Variants in CACNA1D observed in about 807,000 individuals in gnomAD.
The protein encoded by CACNA1D is voltage-dependent L-type calcium channel subunit alpha-1D.
CACNA1D carries 55 observed loss-of-function variants against 257.1 expected under a neutral mutation model. The ratio of observed to expected loss-of-function variants is 0.21; its 90% CI spans 0.17 to 0.27. The LOEUF is 0.27. Among genes scored for constraint, CACNA1D ranks in the 10% least tolerant of loss-of-function variants. The pLI is 1.00. For synonymous variants in CACNA1D, 980 were observed against 1,014.9 expected, an observed-to-expected ratio of 0.97 and a Z score of 0.65; for missense variants, 1,876 against 2,784.0, an observed-to-expected ratio of 0.67 and a Z score of 7.34.
chr3:53,689,151 T>C (rs565423085), intron 8 of CACNA1D, among the ~76,000 whole-genome samples: 3 of 152,146 alleles, frequency 2.0e-5, no homozygotes, highest in African/African-American at 7.2e-5. Flanking sequence ...TGGGCTCCAG[T>C]TGGGCATTGA....
At chr3:53,727,411 G>A (rs1409221961) in intron 15 of CACNA1D, among the ~76,000 whole-genome samples, 1 of 152,186 alleles carries the variant, frequency 6.6e-6, no homozygotes, top group Admixed American at 6.5e-5. Context: ...TGACTGATGA[G>A]AGCCATCTTT....
At chr3:53,537,839 T>G (rs1388688489) in intron 3 of CACNA1D, among the ~76,000 whole-genome samples, 1 of 152,236 alleles carries the variant, frequency 6.6e-6, no homozygotes, top group Non-Finnish European at 1.5e-5. Context: ...TATGTTCCTC[T>G]CTCCTCTGAA....
At chr3:53,770,337 G>C in intron 31 of CACNA1D, 87 bp from the exon 32 acceptor site, 1 of 1,266,156 alleles carries the variant, frequency 7.9e-7, no homozygotes, top group Non-Finnish European at 1.2e-6. Context: ...TCTTACCTCT[G>C]TCACCTTTGC....
At chr3:53,767,854 C>T (rs569409640) in intron 30 of CACNA1D, among the ~76,000 whole-genome samples, 2 of 152,216 alleles carry the variant, frequency 1.3e-5, no homozygotes, top group African/African-American at 4.8e-5. Context: ...AGCAGCCCCC[C>T]ATGCCCAGTG....
At position 53,679,270 on chromosome 3, in the gene CACNA1D, C is replaced by CAAAAAAAAAAAAAAAA. The variant is rs1166823497; in HGVS notation, c.1220+6166_1220+6181dup. ...GGGTGACAAGAGCAAAACTCCATCT[C>CAAAAAAAAAAAAAAAA]AAAAAAAAAAAAAAAAAAAAAAAAA... On this transcript the variant is annotated intron_variant, in intron 8 of 47. Transcript: ENST00000350061. The CAAAAAAAAAAAAAAAA allele has an allele frequency of 3.1e-4, 5 of 16,330 alleles. 2 individuals are homozygous for CAAAAAAAAAAAAAAAA. Among genetic ancestry groups the CAAAAAAAAAAAAAAAA allele is most frequent in the Non-Finnish European group, 1.6e-4 (1 of 6,344 alleles). 1.0% of individuals were successfully genotyped at this position (16,330 alleles called of 1,614,324 possible). A position where few individuals can be genotyped will look rare whatever the true frequency, so the allele number is the denominator to read the frequency against.
At chr3:53,638,957 A>T (rs537131047) in intron 3 of CACNA1D, among the ~76,000 whole-genome samples, 8 of 152,368 alleles carry the variant, frequency 5.3e-5, no homozygotes, top group African/African-American at 1.4e-4. Flanking sequence ...GTGAGACAAC[A>T]GAGGAGTCCA....
rs571358357 is a variant in CACNA1D at position 53,775,970 on chromosome 3, C to T, written c.4287C>T (p.Pro1429=). ...GTGACCCTGAGTCAGATTACAACCC[C>T]GGGGAGGAGTATACATGTGGGAGCA... is the stretch of plus-strand genomic sequence containing the variant. ...KLCDPESDYN[P]GEEYTCGSNF... Residue 1429 remains proline, a synonymous_variant, in exon 35 of 48, where the codon CCC becomes CCT. Transcript: ENST00000350061. The T allele has an allele frequency of 1.4e-5, 22 of 1,613,904 alleles. No homozygotes were observed. Among genetic ancestry groups the T allele is most frequent in the East Asian group, 6.7e-5 (3 of 44,880 alleles).
At chr3:53,799,296 TTC>T (rs911397159) in intron 40 of CACNA1D, among the ~76,000 whole-genome samples, 1 of 152,232 alleles carries the variant, frequency 6.6e-6, no homozygotes, top group Non-Finnish European at 1.5e-5. Context: ...AACATCATCA[TTC>T]TCTCAGAGCT....
At chr3:53,659,927 G>C (rs1484233756) in intron 4 of CACNA1D, among the ~76,000 whole-genome samples, 1 of 152,360 alleles carries the variant, frequency 6.6e-6, no homozygotes, top group African/African-American at 2.4e-5. Context: ...GGTAAAAACA[G>C]ATGAGGTTAA....
chr3:53,775,976 G>A lies in CACNA1D; in HGVS notation c.4293G>A (p.Glu1431=). The A allele has an allele frequency of 1.2e-6, 2 of 1,614,068 alleles. No individual in the cohort carries two copies. Among genetic ancestry groups the A allele is most frequent in the Non-Finnish European group, 1.7e-6 (2 of 1,179,906 alleles). ...CTGAGTCAGATTACAACCCCGGGGA[G>A]GAGTATACATGTGGGAGCAACTTTG... The part of the protein sequence containing the change: ...CDPESDYNPG[E]EYTCGSNFAI... Residue 1431 remains glutamate (E), a synonymous_variant, in exon 35 of 48, where the codon GAG becomes GAA. Transcript: ENST00000350061.
At position 53,812,710 on chromosome 3, in the gene CACNA1D, T is replaced by C. The variant is rs1164095115; in HGVS notation, c.*1304T>C. On this transcript the variant is annotated 3_prime_UTR_variant, in exon 48 of 48. Transcript: ENST00000350061. ...GTTTTTTGCATCGCTGGTGCAGAAA[T>C]GCATAGGTGGATGAGATATAGCTGC... The C allele has an allele frequency of 6.6e-6, 1 of 152,222 alleles. No individual in the cohort carries two copies. The highest frequency in any genetic ancestry group is 1.5e-5 in the Non-Finnish European group (1 of 68,054). The allele number at this position is 152,222 out of a possible 1,614,324, so 9.4% of individuals were successfully genotyped here.
At chr3:53,725,135 C>G (rs2094922863) in intron 14 of CACNA1D, among the ~76,000 whole-genome samples, 1 of 151,938 alleles carries the variant, frequency 6.6e-6, no homozygotes, top group South Asian at 2.1e-4. Flanking sequence ...CTTGTGAATT[C>G]TTAGATCTGC....
intron 3 of CACNA1D, among the ~76,000 whole-genome samples, chr3:53,512,550 C>T (rs1475132506): frequency 1.3e-5 from 2 of 152,092 alleles, no homozygotes; most frequent in South Asian, 4.2e-4. Context: ...TTTTCAGACC[C>T]GCCAGCATGA....
At chr3:53,732,770 T>A in intron 18 of CACNA1D, 45 bp from the exon 19 acceptor site, 2 of 1,543,326 alleles carry the variant, frequency 1.3e-6, no homozygotes, top group Non-Finnish European at 1.8e-6. Context: ...CAAACCCATA[T>A]GTAGTCTTTA....
chr3:53,727,364 G>T (rs115855221), intron 15 of CACNA1D, among the ~76,000 whole-genome samples: 2,149 of 152,254 alleles, frequency 0.014, 60 homozygotes, highest in African/African-American at 0.048. Context: ...ATTATTGGGA[G>T]CTTAGGCGTC....
rs570197675 is a variant in CACNA1D, at chr3:53,702,653, G to A, written c.1233G>A (p.Lys411=). The A allele has an allele frequency of 6.5e-5, 105 of 1,613,942 alleles. 2 individuals are homozygous for A. The South Asian group carries it at 1.0e-3, about 16-fold the overall frequency. Residue 411 remains lysine, a synonymous_variant, in exon 9 of 48, where the codon AAG becomes AAA. Transcript: ENST00000350061. ...VLGVLSGEFS[K]EREKAKARGD... ...TTGCCTCCTTCAGAGAATTCTCAAA[G>A]GAAAGAGAGAAGGCAAAAGCACGGG...
chr3:53,537,494 T>G (rs1452487080), intron 3 of CACNA1D, among the ~76,000 whole-genome samples: 1 of 152,214 alleles, frequency 6.6e-6, no homozygotes, highest in Non-Finnish European at 1.5e-5. Context: ...TTTCAGTATG[T>G]ATCTCTAAAA....
chr3:53,730,706 C>CA, intron 16 of CACNA1D, 150 bp downstream of exon 16: 1 of 697,200 alleles, frequency 1.4e-6, no homozygotes, highest in South Asian at 1.6e-5. Context: ...CACTGCAGAC[C>CA]AAAACGGATG....
chr3:53,605,371 G>A (rs2093496063), intron 3 of CACNA1D, among the ~76,000 whole-genome samples: 1 of 152,206 alleles, frequency 6.6e-6, no homozygotes, highest in Non-Finnish European at 1.5e-5. Flanking sequence ...CAAATGAGTG[G>A]AAGGCTCCTA....
Sources: gnomAD v4.1 joint callset for allele counts (sites outside exome capture counted in the v4.1 genomes callset) on GRCh38, gnomAD v4.1.1 for gene constraint, MANE v1.5 for transcripts, NCBI Gene and HGNC (gene_info 2026-07-23, HGNC 2026-07-21) for gene names.